The following CPSF1 variants were observed in gnomAD, a reference collection of about 807,000 sequenced individuals.
The protein encoded by CPSF1 is cleavage and polyadenylation specific factor 1, also known as cleavage and polyadenylation specificity factor subunit 1.
CPSF1 carries 106 observed loss-of-function variants against 175.8 expected under a neutral mutation model. The observed-to-expected ratio is 0.60, with a 90% CI of 0.52 to 0.71. CPSF1 has a LOEUF of 0.71. Ranked by LOEUF, CPSF1 falls within the 30% of genes least tolerant of loss-of-function variation. The pLI is 0.00. For synonymous variants in CPSF1, 1,024 were observed against 858.3 expected, an observed-to-expected ratio of 1.19 and a Z score of -3.37; for missense variants, 1,734 against 2,022.9, an observed-to-expected ratio of 0.86 and a Z score of 2.74.
chr8:144,399,920 G>A lies in CPSF1; in HGVS notation c.1032-52C>T, dbSNP rs1266065478. On this transcript the variant is annotated intron_variant, in intron 10 of 37. Transcript: ENST00000616140. This position sits in a 1 kb window ranked among gnomAD's most constrained non-coding sequence, Gnocchi z 6.4. Reference sequence around the variant, plus strand: ...GGGATGGGGACCCTGGGGGAGTGAAGGGGGCCAGGGGACCCTACAGGACTT... The same window carrying A: ...GGGATGGGGACCCTGGGGGAGTGAAAGGGGCCAGGGGACCCTACAGGACTT... 20 of 1,562,278 alleles carry A rather than the reference G, an allele frequency of 1.3e-5. No individual in the cohort carries two copies. Among genetic ancestry groups the A allele is most frequent in the Admixed American group, 3.7e-5 (2 of 53,734 alleles).
At chr8:144,403,830 A>G (rs1821353379) in intron 2 of CPSF1, among the ~76,000 whole-genome samples, 1 of 151,884 alleles carries the variant, frequency 6.6e-6, no homozygotes, top group Non-Finnish European at 1.5e-5. Context: ...GATTATAGAC[A>G]TGAGCCACCG....
In CPSF1 at chr8:144,397,519, A is replaced by T. The variant is rs1820845864; in HGVS notation, c.2353T>A (p.Cys785Ser). 1.9e-6 allele frequency: 3 copies of T among 1,583,138 alleles called. No individual in the cohort carries two copies. Among genetic ancestry groups the T allele is most frequent in the Non-Finnish European group, 2.6e-6 (3 of 1,159,226 alleles). ...GTGCCATTCTCCCGCACCAGCAGGC[A>T]CCAGTGGGTAGGCTCTGCCCGGAAG... ...APFRAEPTHW[C>S]LLVRENGTME... Residue 785 changes from cysteine (C) to serine (S), a missense_variant, in exon 22 of 38, where the codon TGC becomes AGC. By Grantham distance (112) the Cys-to-Ser change is moderately radical (BLOSUM62 -1). Transcript: ENST00000616140.
intron 9 of CPSF1, 31 bp downstream of exon 9, chr8:144,400,135 G>GGGGGGGGCGCCCCCCCCCCCCCCCCCCC: frequency 1.1e-6 from 1 of 896,012 alleles, no homozygotes; most frequent in Non-Finnish European, 1.6e-6. Context: ...CCGTCCCCGG[G>GGGGGGGGCGCCCCCCCCCCCCCCCCCCC]CCCCCCCCGC....
chr8:144,393,455 G>A lies in CPSF1; in HGVS notation c.4281C>T (p.Asp1427=). Reference sequence around the variant, plus strand: ...GGGGGGCGGGGCGCGCACTCACTATGTCTGGTGTGGTGCCGATCTTCTTGG... The same window carrying A: ...GGGGGGCGGGGCGCGCACTCACTATATCTGGTGTGGTGCCGATCTTCTTGG... ...ELAKKIGTTP[D]IILDDLLETD... is the part of the protein sequence containing the mutation. The change falls in exon 37 of 38, where the codon GAC becomes GAT. Residue 1427 remains aspartate (D), a synonymous_variant. Transcript: ENST00000616140. 1.3e-6 allele frequency: 2 copies of A among 1,552,024 alleles called. No individual in the cohort carries two copies. Among genetic ancestry groups the A allele is most frequent in the Non-Finnish European group, 8.7e-7 (1 of 1,148,706 alleles).
chr8:144,396,969 C>G, intron 23 of CPSF1, 40 bp from the exon 24 acceptor site: 2 of 1,447,412 alleles, frequency 1.4e-6, no homozygotes, highest in Admixed American at 1.8e-5. Flanking sequence ...CGGGCAGGGC[C>G]ATGGAGAACA....
At position 144,401,201 on chromosome 8, in the gene CPSF1, G is replaced by T; in HGVS notation, c.387+10C>A. The T allele has an allele frequency of 6.5e-7, 1 of 1,549,094 alleles. No individual in the cohort carries two copies. The highest frequency in any genetic ancestry group is 8.7e-7 in the Non-Finnish European group (1 of 1,146,686). ...GCGGGGCCTGGGCGGGGGCGGGAGC[G>T]CGGCCCTACCCGAAGCTCAGGCTCC... On this transcript the variant is annotated intron_variant, in intron 5 of 37. Transcript: ENST00000616140.
In CPSF1 at chr8:144,399,312, G is replaced by C. The variant is rs2116861296; in HGVS notation, c.1356C>G (p.Ala452=). ...VDEIEVYGSE[A]QSGTQLATYS... Reference sequence around the variant, plus strand: ...AGGTGGCCAGCTGTGTTCCCGACTGGGCCTCGCTGCCGTACACTTCAATCT... The same window carrying C: ...AGGTGGCCAGCTGTGTTCCCGACTGCGCCTCGCTGCCGTACACTTCAATCT... Residue 452 remains alanine, a synonymous_variant, in exon 14 of 38, where the codon GCC becomes GCG. Coordinates refer to ENST00000616140, the MANE Select transcript of CPSF1 (RefSeq NM_013291.3). The surrounding 1 kb of genome is among the most constrained non-coding windows in gnomAD (Gnocchi z 6.4). The C allele has an allele frequency of 4.3e-6, 7 of 1,612,350 alleles. 1 individual carries two copies. Among genetic ancestry groups the C allele is most frequent in the Non-Finnish European group, 5.9e-6 (7 of 1,179,976 alleles).
At chr8:144,396,798 T>G (rs370803302) in intron 24 of CPSF1, 42 bp downstream of exon 24, 2 of 1,613,600 alleles carry the variant, frequency 1.2e-6, no homozygotes, top group South Asian at 1.1e-5. Flanking sequence ...CCACACCTTG[T>G]ACCACACCCA....
rs2116860268 is a variant in CPSF1 at position 144,399,207 on chromosome 8, G to A, written c.1393-5C>T. On this transcript the variant is annotated splice_region_variant and splice_polypyrimidine_tract_variant and intron_variant, in intron 14 of 37. Transcript: ENST00000616140. The surrounding 1 kb of genome is among the most constrained non-coding windows in gnomAD (Gnocchi z 6.4). The stretch of plus-strand genomic sequence containing the variant: ...GTTCAGGATGCTGTCACACACCTGC[G>A]GCACAGCAAGAGTCAGGGGCCCGCT... 96 of 1,610,520 alleles carry A rather than the reference G, an allele frequency of 6.0e-5. No homozygotes were observed. The African/African-American group carries it at 7.9e-4, about 13-fold the overall frequency.
rs1554863996 is a variant in CPSF1, at chr8:144,396,831, C to A, written c.2682+9G>T. The A allele has an allele frequency of 1.2e-6, 2 of 1,613,972 alleles. No homozygotes were observed. The highest frequency in any genetic ancestry group is 3.3e-5 in the Admixed American group (2 of 60,000). On this transcript the variant is annotated intron_variant, in intron 24 of 37. Transcript: ENST00000616140. ...CCACCCCACGCCCCAGCAGTCCAGC[C>A]ACTGGCACCTTCTTAAAGCGGACTT...
Position 144,398,637 on chromosome 8 carries a change from T to C in CPSF1, c.1640A>G (p.Glu547Gly), listed in dbSNP as rs2116853106. The C allele has an allele frequency of 1.2e-6, 2 of 1,613,702 alleles. No homozygotes were observed. The highest frequency in any genetic ancestry group is 1.7e-5 in the Admixed American group (1 of 60,018). ...TVIAPVRKEE[E>G]DNPKGEGTEQ... is the part of the protein sequence containing the mutation. ...TGTGCCCTCCCCCTTGGGATTGTCC[T>C]CCTGTCAGGGCCAAAGGGGGGCAGG... is the stretch of plus-strand genomic sequence containing the variant. The change falls in exon 18 of 38, where the codon GAG becomes GGG. Residue 547 changes from glutamate to glycine, a missense_variant and splice_region_variant. Around this residue, in one of 10 missense-constraint regions of CPSF1, gnomAD observed 280 missense variants for 349.2 expected, o/e 0.80. Transcript: ENST00000616140.
chr8:144,393,645 C>T (rs1564681956), intron 36 of CPSF1, 22 bp downstream of exon 36: 9 of 1,566,540 alleles, frequency 5.7e-6, no homozygotes, highest in East Asian at 2.3e-5. Context: ...GGGTGCTGCA[C>T]GGGGGCGGGG....
intron 24 of CPSF1, 36 bp from the exon 25 acceptor site, chr8:144,396,777 C>G (rs1054799927): frequency 6.2e-7 from 1 of 1,612,720 alleles, no homozygotes; most frequent in Admixed American, 1.7e-5. Flanking sequence ...CAGGGGCTGC[C>G]GGTCTGAAAC....
chr8:144,409,069 C>T lies in CPSF1; in HGVS notation c.90G>A (p.Leu30=). 1 of 1,613,876 alleles carries T rather than the reference C, an allele frequency of 6.2e-7. No homozygotes were observed. The highest frequency in any genetic ancestry group is 1.1e-5 in the South Asian group (1 of 91,086). ...CNFFNNSERN[L]VVAGTSQLYV... ...AGAGCTGCGAGGTCCCGGCCACTACCAGGTTGCGCTCGCTGTTGTTGAAGA... is the reference window on the plus strand; with the variant it reads ...AGAGCTGCGAGGTCCCGGCCACTACTAGGTTGCGCTCGCTGTTGTTGAAGA... Residue 30 remains leucine, a synonymous_variant, in exon 2 of 38, where the codon CTG becomes CTA. Transcript: ENST00000616140.
rs2116852981 is a variant in CPSF1 at position 144,398,620 on chromosome 8, C to T, written c.1657G>A (p.Glu553Lys). The T allele has an allele frequency of 6.2e-7, 1 of 1,613,858 alleles. No individual in the cohort carries two copies. The highest frequency in any genetic ancestry group is 1.1e-5 in the South Asian group (1 of 91,088). ...RKEEEDNPKGEGTEQEPSTTP... is the reference protein window; with the variant it reads ...RKEEEDNPKGKGTEQEPSTTP... The stretch of plus-strand genomic sequence containing the variant: ...GTGCTGGGTTCCTGCTCTGTGCCCT[C>T]CCCCTTGGGATTGTCCTCCTGTCAG... The change falls in exon 18 of 38, where the codon GAG (glutamate) becomes AAG (lysine). Residue 553 changes from glutamate (E) to lysine (K), a missense_variant. This residue lies in a region of CPSF1 where 280 missense variants were observed against 349.2 expected (regional missense o/e 0.80). Coordinates refer to ENST00000616140, the MANE Select transcript of CPSF1 (RefSeq NM_013291.3).
intron 9 of CPSF1, 31 bp downstream of exon 9, chr8:144,400,135 G>GCCCCCCCCCCCCCCCCCC (rs1491238659): frequency 1.9e-4 from 173 of 896,408 alleles, no homozygotes; most frequent in Non-Finnish European, 2.5e-4. Context: ...CCGTCCCCGG[G>GCCCCCCCCCCCCCCCCCC]CCCCCCCCGC....
chr8:144,396,533 G>A, intron 25 of CPSF1, 33 bp from the exon 26 acceptor site: 1 of 1,610,170 alleles, frequency 6.2e-7, no homozygotes, highest in Non-Finnish European at 8.5e-7. Flanking sequence ...TGCTGTGGAT[G>A]AGGATGCTGC....
chr8:144,400,293 G>T lies in CPSF1; in HGVS notation c.827-17C>A. 6.2e-7 allele frequency: 1 copy of T among 1,608,908 alleles called. No homozygotes were observed. The highest frequency in any genetic ancestry group is 8.5e-7 in the Non-Finnish European group (1 of 1,176,234). ...CCACCCCACCTGGAGGTGGACACAG[G>T]CTGGTGGGCAGGCTCAGTGCTCTCT... On this transcript the variant is annotated splice_polypyrimidine_tract_variant and intron_variant, in intron 8 of 37. Coordinates refer to ENST00000616140, the MANE Select transcript of CPSF1 (RefSeq NM_013291.3).
chr8:144,396,803 C>T, intron 24 of CPSF1, 37 bp downstream of exon 24: 1 of 1,613,542 alleles, frequency 6.2e-7, no homozygotes, highest in African/African-American at 1.3e-5. Flanking sequence ...CCTTGTACCA[C>T]ACCCACCCCA....
Sources: allele counts gnomAD v4.1 joint callset (sites outside exome capture counted in the v4.1 genomes callset), GRCh38; gene constraint gnomAD v4.1.1; regional missense constraint gnomAD v4.1.1; non-coding constraint Gnocchi (gnomAD v3.1); transcripts MANE v1.5; gene names NCBI Gene and HGNC (gene_info 2026-07-23, HGNC 2026-07-21).